UBE2E3: variants seen among roughly 807,000 people sequenced by gnomAD.
UBE2E3 encodes the protein ubiquitin-conjugating enzyme E2 E3.
UBE2E3 carries 5 observed loss-of-function variants against 23.6 expected under a neutral mutation model. The ratio of observed to expected loss-of-function variants is 0.21; its 90% confidence interval spans 0.11 to 0.44. The LOEUF (loss-of-function observed/expected upper bound fraction) is 0.44, where lower values mean the gene tolerates loss of function less well. Among genes scored for constraint, UBE2E3 ranks in the 20% least tolerant of loss-of-function variants. The pLI is 0.99. For synonymous variants in UBE2E3, 78 were observed against 87.5 expected, an observed-to-expected ratio of 0.89 and a Z score of 0.60; for missense variants, 81 against 249.8, an observed-to-expected ratio of 0.32 and a Z score of 4.55.
intron 3 of UBE2E3, among the ~76,000 whole-genome samples, chr2:180,986,688 G>A (rs1016107617): frequency 2.6e-5 from 4 of 152,004 alleles, no homozygotes; most frequent in African/African-American, 9.7e-5. Context: ...TAATACATTT[G>A]GCTTTCGTGT....
intron 3 of UBE2E3, among the ~76,000 whole-genome samples, chr2:181,045,472 TTTC>T (rs1388568318): frequency 6.6e-6 from 1 of 152,208 alleles, no homozygotes; most frequent in African/African-American, 2.4e-5. Flanking sequence ...ATTGGAATAC[TTTC>T]TTGTTTTCAT....
chr2:181,003,662 T>A (rs143866915), intron 3 of UBE2E3, among the ~76,000 whole-genome samples: 2,216 of 152,270 alleles, frequency 0.015, 58 homozygotes, highest in African/African-American at 0.05. Context: ...ATTTATTTGT[T>A]TGCACATAGT....
chr2:181,027,954 G>A (rs947961494), intron 3 of UBE2E3, among the ~76,000 whole-genome samples: 1 of 151,836 alleles, frequency 6.6e-6, no homozygotes, highest in East Asian at 1.9e-4. Flanking sequence ...TTCTCACCCA[G>A]CTTAAAAACT....
intron 3 of UBE2E3, among the ~76,000 whole-genome samples, chr2:181,047,758 G>A (rs531334215): frequency 1.3e-5 from 2 of 152,076 alleles, no homozygotes; most frequent in East Asian, 1.9e-4. Context: ...CAGCCCCTCC[G>A]GGCCTCCTCC....
intron 3 of UBE2E3, 103 bp downstream of exon 3, chr2:180,984,196 T>G (rs868341950): frequency 6.0e-5 from 59 of 980,684 alleles, no homozygotes; most frequent in Middle Eastern, 4.4e-4. Flanking sequence ...AACATTTGCT[T>G]CTTTACAGCT....
chr2:181,006,568 A>T (rs181097971), intron 3 of UBE2E3, among the ~76,000 whole-genome samples: 2 of 152,172 alleles, frequency 1.3e-5, no homozygotes, highest in Non-Finnish European at 2.9e-5. Flanking sequence ...TATTAGGAAC[A>T]TGCTAAATAT....
At chr2:181,046,901 C>CT (rs1401920753) in intron 3 of UBE2E3, among the ~76,000 whole-genome samples, 1 of 152,054 alleles carries the variant, frequency 6.6e-6, no homozygotes, top group African/African-American at 2.4e-5. Flanking sequence ...CCCTGTCCCT[C>CT]TTATTTTTCA....
intron 3 of UBE2E3, among the ~76,000 whole-genome samples, chr2:181,034,497 A>G (rs931441154): frequency 1.6e-4 from 24 of 152,124 alleles, no homozygotes; most frequent in Non-Finnish European, 1.5e-5. Flanking sequence ...TGGACACAGG[A>G]AGGGGAACAT....
chr2:180,984,147 A>G lies in UBE2E3; in HGVS notation c.245+54A>G, dbSNP rs745712641. 174 of 1,472,768 alleles carry G rather than the reference A, an allele frequency of 1.2e-4. 1 individual carries two copies. The highest frequency in any genetic ancestry group is 1.6e-4 in the Non-Finnish European group (166 of 1,058,098). 91.2% of individuals were successfully genotyped at this position (1,472,768 alleles called of 1,614,324 possible). On this transcript the variant is annotated intron_variant, in intron 3 of 5. Coordinates refer to ENST00000410062, the MANE Select transcript of UBE2E3 (RefSeq NM_006357.4). ...TCAAATTGTGGAAAAATACCAAGAG[A>G]TTGATGTATTGTCTGGATATGTGTG...
At chr2:181,054,078 T>C (rs1333999799) in intron 3 of UBE2E3, among the ~76,000 whole-genome samples, 2 of 151,848 alleles carry the variant, frequency 1.3e-5, no homozygotes, top group Non-Finnish European at 2.9e-5. Context: ...TACCACAGTT[T>C]ATATATCCAT....
intron 3 of UBE2E3, among the ~76,000 whole-genome samples, chr2:181,049,204 C>T (rs1473274791): frequency 6.6e-6 from 1 of 152,022 alleles, no homozygotes; most frequent in Admixed American, 6.6e-5. Context: ...GGATATTATA[C>T]ACCACAATGA....
chr2:181,049,286 A>G lies in UBE2E3; in HGVS notation c.246-8407A>G, dbSNP rs1044276952. Among the ~76,000 whole-genome samples, 37 of 152,050 alleles carry G rather than the reference A, an allele frequency of 2.4e-4. 1 individual carries two copies. The highest frequency in any genetic ancestry group is 8.2e-4 in the African/African-American group (34 of 41,412). On this transcript the variant is annotated intron_variant, in intron 3 of 5. Transcript: ENST00000410062. ...AGTATTGGCTAAAGACAATATACTT[A>G]TAGATGTTGATATTTAATTTCACCA...
intron 3 of UBE2E3, among the ~76,000 whole-genome samples, chr2:180,988,412 C>G (rs768341505): frequency 2.6e-5 from 4 of 152,092 alleles, no homozygotes; most frequent in African/African-American, 7.2e-5. Context: ...CATAGATGAA[C>G]AAATATTGTA....
At chr2:181,021,619 T>TTCCTTCCTTCCTCCCTCC (rs1574190987) in intron 3 of UBE2E3, among the ~76,000 whole-genome samples, 1 of 15,836 alleles carries the variant, frequency 6.3e-5, no homozygotes. Flanking sequence ...TTCCTCCCTC[T>TTCCTTCCTTCCTCCCTCC]CTCCCTCCCT....
intron 3 of UBE2E3, among the ~76,000 whole-genome samples, chr2:181,038,004 A>T (rs1686353909): frequency 1.3e-5 from 2 of 152,160 alleles, no homozygotes; most frequent in South Asian, 2.1e-4. Flanking sequence ...GCTAAAGTTA[A>T]TTTATTATTG....
rs1007420419 is a variant in UBE2E3 at position 180,982,295 on chromosome 2, C to T, written c.194+59C>T. 2.9e-5 allele frequency: 44 copies of T among 1,529,188 alleles called. No individual in the cohort carries two copies. The Admixed American group carries it at 7.0e-4, about 24-fold the overall frequency. 94.7% of individuals were successfully genotyped at this position (1,529,188 alleles called of 1,614,324 possible). On this transcript the variant is annotated intron_variant, in intron 2 of 5. Coordinates refer to ENST00000410062, the MANE Select transcript of UBE2E3 (RefSeq NM_006357.4). ...TCAGGTTGTCTTCCAGGTGGTTGGA[C>T]GCTTTTGTTGGTTTTACCTCAATAG...
chr2:181,003,857 C>T (rs1685060704), intron 3 of UBE2E3, among the ~76,000 whole-genome samples: 2 of 152,144 alleles, frequency 1.3e-5, no homozygotes, highest in Admixed American at 1.3e-4. Context: ...AGGTAATTTA[C>T]ATGTATTGTT....
intron 3 of UBE2E3, among the ~76,000 whole-genome samples, chr2:181,051,260 G>GA (rs1161572716): frequency 6.6e-6 from 1 of 151,746 alleles, no homozygotes; most frequent in Non-Finnish European, 1.5e-5. Context: ...ATCTCTTGCT[G>GA]AAAAATATAG....
chr2:181,001,869 A>G (rs1302447662), intron 3 of UBE2E3, among the ~76,000 whole-genome samples: 3 of 152,100 alleles, frequency 2.0e-5, no homozygotes, highest in Non-Finnish European at 4.4e-5. Context: ...TTAAATTTTT[A>G]TTATTTTTTA....
Sources: gnomAD v4.1 joint callset for allele counts (sites outside exome capture counted in the v4.1 genomes callset) on GRCh38, gnomAD v4.1.1 for gene constraint, MANE v1.5 for transcripts, NCBI Gene and HGNC (gene_info 2026-07-23, HGNC 2026-07-21) for gene names.